Variants in ECHDC1 observed in about 807,000 individuals in gnomAD.
ECHDC1 encodes the protein ethylmalonyl-CoA decarboxylase.
In ECHDC1, 29 loss-of-function variants were observed where a neutral mutation model predicts 29.7. The observed-to-expected ratio is 0.98, with a 90% CI of 0.73 to 1.33. The LOEUF is 1.33. ECHDC1 is among the 40% of genes most tolerant of loss of function. The pLI, the probability that ECHDC1 is intolerant of heterozygous loss-of-function variation, is 0.00. For synonymous variants in ECHDC1, 126 were observed against 123.1 expected, an observed-to-expected ratio of 1.02 and a Z score of -0.15; for missense variants, 328 against 350.0, an observed-to-expected ratio of 0.94 and a Z score of 0.50.
At chr6:127,316,603 T>C (rs1782403321) in intron 3 of ECHDC1, 101 bp from the exon 4 acceptor site, 1 of 907,510 alleles carries the variant, frequency 1.1e-6, no homozygotes, top group Non-Finnish European at 1.7e-6. Flanking sequence ...CAAAAATATG[T>C]CTTTTTTAAA....
At position 127,290,107 on chromosome 6, in the gene ECHDC1, A is replaced by C. The variant is rs765709127; in HGVS notation, c.668T>G (p.Val223Gly). ...DSKNALNIGM[V>G]EEVLQSSDET... ...ATCTGAAGACTGCAAGACCTCTTCA[A>C]CCATTCCTATGTTTAGAGCATTTTT... is the stretch of plus-strand genomic sequence containing the variant. Residue 223 changes from valine (V) to glycine (G), a missense_variant, in exon 6 of 6, where the codon GTT becomes GGT. By Grantham distance (109) the Val-to-Gly change is moderately radical (BLOSUM62 -3). Transcript: ENST00000454859. 2 of 1,613,732 alleles carry C rather than the reference A, an allele frequency of 1.2e-6. No homozygotes were observed. Among genetic ancestry groups the C allele is most frequent in the East Asian group, 4.5e-5 (2 of 44,848 alleles).
intron 5 of ECHDC1, among the ~76,000 whole-genome samples, chr6:127,309,539 G>GA (rs1264581555): frequency 8.6e-6 from 1 of 116,108 alleles, no homozygotes; most frequent in Non-Finnish European, 1.8e-5. Flanking sequence ...ACACACACAG[G>GA]AAAAAATAGA....
chr6:127,290,573 A>C (rs896414752), intron 5 of ECHDC1, among the ~76,000 whole-genome samples: 9 of 152,072 alleles, frequency 5.9e-5, no homozygotes, highest in Admixed American at 3.3e-4. Flanking sequence ...TAATGAGAGG[A>C]TGTGGATCAA....
intron 5 of ECHDC1, among the ~76,000 whole-genome samples, chr6:127,314,287 A>G (rs79887585): frequency 0.016 from 2,439 of 152,258 alleles, 44 homozygotes; most frequent in Middle Eastern, 0.054. Context: ...ACTGAGAATA[A>G]TTATTGGGAG....
intron 1 of ECHDC1, among the ~76,000 whole-genome samples, chr6:127,342,004 A>G (rs770243149): frequency 3.3e-5 from 5 of 152,266 alleles, no homozygotes; most frequent in Non-Finnish European, 7.3e-5. Flanking sequence ...GCCAAAATGC[A>G]CAACTTTCAG....
rs749421347 is a variant in ECHDC1 at position 127,316,464 on chromosome 6, T to A, written c.402A>T (p.Leu134Phe). 1 of 1,605,200 alleles carries A rather than the reference T, an allele frequency of 6.2e-7. No individual in the cohort carries two copies. Among genetic ancestry groups the A allele is most frequent in the Non-Finnish European group, 8.5e-7 (1 of 1,176,580 alleles). Residue 134 changes from leucine to phenylalanine, a missense_variant, in exon 4 of 6, where the codon TTA (leucine) becomes TTT (phenylalanine). Leu to Phe is a conservative substitution (Grantham distance 22, BLOSUM62 0). Transcript: ENST00000454859. The part of the protein sequence containing the change: ...MAVCMFMQNT[L>F]TRFMRLPLIS... ...GGCTGCATTACCTCATAAATCTTGT[T>A]AAGGTGTTTTGCATGAACATGCATA...
chr6:127,295,619 T>C (rs912097264), intron 5 of ECHDC1, among the ~76,000 whole-genome samples: 1 of 152,244 alleles, frequency 6.6e-6, no homozygotes, highest in Admixed American at 6.5e-5. Flanking sequence ...TTATACTCAT[T>C]GTAAGAAAGG....
chr6:127,314,766 G>T, intron 5 of ECHDC1, 50 bp downstream of exon 5: 1 of 1,425,934 alleles, frequency 7.0e-7, no homozygotes, highest in South Asian at 1.3e-5. Context: ...AAATGAATTT[G>T]AGCAAGTTAA....
At chr6:127,324,972 G>A (rs981098422) in intron 3 of ECHDC1, among the ~76,000 whole-genome samples, 3 of 152,140 alleles carry the variant, frequency 2.0e-5, no homozygotes, top group Non-Finnish European at 2.9e-5. Context: ...CCCCTTGAGT[G>A]TAGACTAAAC....
At chr6:127,295,958 G>A (rs1260271649) in intron 5 of ECHDC1, among the ~76,000 whole-genome samples, 1 of 152,110 alleles carries the variant, frequency 6.6e-6, no homozygotes, top group East Asian at 1.9e-4. Flanking sequence ...ATAGTGTTGG[G>A]ACAAATTGCC....
chr6:127,290,373 G>T (rs995246766), intron 5 of ECHDC1, 96 bp from the exon 6 acceptor site: 9 of 1,246,026 alleles, frequency 7.2e-6, no homozygotes, highest in Non-Finnish European at 9.8e-6. Flanking sequence ...ATTCTCCATA[G>T]ATCTTTATAG....
chr6:127,312,951 A>G (rs1394871677), intron 5 of ECHDC1: 1 of 152,300 alleles, frequency 6.6e-6, no homozygotes, highest in Middle Eastern at 3.4e-3. Flanking sequence ...TTATGTAAAA[A>G]TGTATTTATG....
chr6:127,326,077 T>G (rs1171300718), intron 3 of ECHDC1, among the ~76,000 whole-genome samples: 3 of 152,194 alleles, frequency 2.0e-5, no homozygotes, highest in Non-Finnish European at 4.4e-5. Flanking sequence ...AGTAACAATG[T>G]GGGTTGATAT....
chr6:127,322,247 A>C (rs1782893246), intron 3 of ECHDC1, among the ~76,000 whole-genome samples: 1 of 152,084 alleles, frequency 6.6e-6, no homozygotes, highest in Non-Finnish European at 1.5e-5. Context: ...CGGAGGTTGC[A>C]GTGAGTCGAG....
At chr6:127,298,259 G>C (rs1162613314) in intron 5 of ECHDC1, among the ~76,000 whole-genome samples, 3 of 151,976 alleles carry the variant, frequency 2.0e-5, no homozygotes, top group Admixed American at 6.6e-5. Flanking sequence ...TACAATTCCA[G>C]TTTCTCTCTC....
chr6:127,299,768 CCACT>C (rs374884536), intron 5 of ECHDC1, among the ~76,000 whole-genome samples: 14 of 152,232 alleles, frequency 9.2e-5, no homozygotes, highest in Admixed American at 2.6e-4. Flanking sequence ...CATTCACTTG[CCACT>C]CACTCACTCA....
intron 5 of ECHDC1, among the ~76,000 whole-genome samples, chr6:127,297,834 A>T (rs1182012318): frequency 1.3e-5 from 2 of 152,170 alleles, no homozygotes; most frequent in Non-Finnish European, 2.9e-5. Context: ...TCAACTGTAA[A>T]AACAGCAACC....
At position 127,300,082 on chromosome 6, in the gene ECHDC1, C is replaced by T. The variant is rs148909455; in HGVS notation, c.498-9805G>A. Among the ~76,000 whole-genome samples the T allele has an allele frequency of 1.9e-4, 29 of 152,182 alleles. No individual in the cohort carries two copies. The East Asian group carries it at 3.7e-3, about 19-fold the overall frequency. On this transcript the variant is annotated intron_variant, in intron 5 of 5. Coordinates refer to ENST00000454859, the MANE Select transcript of ECHDC1 (RefSeq NM_001002030.2). Reference sequence around the variant, plus strand: ...TGATGTCTGCACAACAACAAAATCACGTAATGACACATTTGTCATAATGTG... The same window carrying T: ...TGATGTCTGCACAACAACAAAATCATGTAATGACACATTTGTCATAATGTG...
At chr6:127,300,791 C>T (rs889622679) in intron 5 of ECHDC1, among the ~76,000 whole-genome samples, 62 of 152,276 alleles carry the variant, frequency 4.1e-4, no homozygotes, top group African/African-American at 1.4e-3. Flanking sequence ...TCTCATGAGA[C>T]AAGGTTTAGA....
Sources: gnomAD v4.1 joint callset for allele counts (sites outside exome capture counted in the v4.1 genomes callset) on GRCh38, gnomAD v4.1.1 for gene constraint, MANE v1.5 for transcripts, NCBI Gene and HGNC (gene_info 2026-07-23, HGNC 2026-07-21) for gene names.